The following FBXL17 variants were observed in gnomAD, a reference collection of about 807,000 sequenced individuals.
FBXL17 encodes F-box/LRR-repeat protein 17.
In FBXL17, 22 loss-of-function variants were observed where a neutral mutation model predicts 66.2. The observed-to-expected ratio is 0.33, with a 90% CI of 0.24 to 0.47. The LOEUF (loss-of-function observed/expected upper bound fraction) is 0.47, where lower values mean the gene tolerates loss of function less well. Ranked by LOEUF, FBXL17 falls within the 20% of genes least tolerant of loss-of-function variation. The probability of loss-of-function intolerance (pLI) is 1.00; values close to 1 mark genes in which losing one functional copy is unlikely to be tolerated. For synonymous variants in FBXL17, 474 were observed against 400.5 expected (o/e 1.18, Z -2.19); for missense variants, 878 against 948.2 (o/e 0.93, Z 0.97).
At position 108,112,964 on chromosome 5, in the gene FBXL17, T is replaced by C. The variant is rs187079904; in HGVS notation, c.1745+73153A>G. On this transcript the variant is annotated intron_variant, in intron 6 of 8. Transcript: ENST00000542267. ...AAACTTTTTCTTAATTCACCATTCA[T>C]ATTCTTAATTAATCTTTCTAATATT... Among the ~76,000 whole-genome samples, 15 of 152,344 alleles carry C rather than the reference T, an allele frequency of 9.8e-5. No homozygotes were observed. In the East Asian group the frequency reaches 2.9e-3, roughly 29 times the overall value.
chr5:108,224,758 G>C (rs1416156581), intron 4 of FBXL17, among the ~76,000 whole-genome samples: 1 of 151,030 alleles, frequency 6.6e-6, no homozygotes, highest in Non-Finnish European at 1.5e-5. Context: ...CACCCAACTA[G>C]TTTTTTTGGT....
chr5:108,034,887 C>A (rs1315866076), intron 6 of FBXL17, among the ~76,000 whole-genome samples: 1 of 152,098 alleles, frequency 6.6e-6, no homozygotes, highest in Admixed American at 6.6e-5. Flanking sequence ...TTACTATCAA[C>A]CTCAAGGTTT....
intron 7 of FBXL17, among the ~76,000 whole-genome samples, chr5:107,927,653 A>G (rs1443679599): frequency 6.6e-6 from 1 of 152,124 alleles, no homozygotes; most frequent in East Asian, 1.9e-4. Flanking sequence ...ACAAGATTGT[A>G]TTTGTCACTA....
chr5:108,264,694 G>T (rs1362696964), intron 4 of FBXL17, among the ~76,000 whole-genome samples: 1 of 152,060 alleles, frequency 6.6e-6, no homozygotes, highest in Non-Finnish European at 1.5e-5. Flanking sequence ...TGTTGAAAAA[G>T]ATCAGAGTGC....
At chr5:108,006,148 T>C (rs1032838238) in intron 7 of FBXL17, among the ~76,000 whole-genome samples, 1 of 152,264 alleles carries the variant, frequency 6.6e-6, no homozygotes, top group African/African-American at 2.4e-5. Context: ...TTAATGTTTC[T>C]TTTGGTTTTA....
chr5:107,926,387 G>C (rs1247671939), intron 7 of FBXL17, among the ~76,000 whole-genome samples: 5 of 152,016 alleles, frequency 3.3e-5, no homozygotes, highest in African/African-American at 9.7e-5. Flanking sequence ...TAACATATTT[G>C]ACCTCCCCAC....
rs1399149946 is a variant in FBXL17, at chr5:108,157,153, C to T, written c.1745+28964G>A. Among the ~76,000 whole-genome samples the T allele has an allele frequency of 3.4e-5, 5 of 148,250 alleles. No homozygotes were observed. The East Asian group carries it at 7.8e-4, about 23-fold the overall frequency. On this transcript the variant is annotated intron_variant, in intron 6 of 8. Transcript: ENST00000542267. ...CTAGTATTCGATTTTCCAGTTCATG[C>T]ACTCCTATCTATGGCACTGAACAAA...
intron 6 of FBXL17, among the ~76,000 whole-genome samples, chr5:108,095,212 G>C (rs1345671743): frequency 6.6e-6 from 1 of 151,280 alleles, no homozygotes; most frequent in African/African-American, 2.4e-5. Flanking sequence ...TACTTTTAAA[G>C]GTCCCAAATC....
chr5:108,348,643 G>T, intron 3 of FBXL17, 113 bp from the exon 4 acceptor site: 4 of 1,033,326 alleles, frequency 3.9e-6, no homozygotes, highest in Non-Finnish European at 5.6e-6. Context: ...AAATATTTAT[G>T]TTACTTGTAA....
chr5:107,879,566 T>C lies in FBXL17; in HGVS notation c.1965+1471A>G, dbSNP rs552302874. ...CTAGCTGGCAAAGGTCTCGTATAAG[T>C]TGGGATTCTAAAGTGTTTGGAGAAA... On this transcript the variant is annotated intron_variant, in intron 8 of 8. Coordinates refer to ENST00000542267, the MANE Select transcript of FBXL17 (RefSeq NM_001163315.3). The C allele has an allele frequency of 2.1e-5, 21 of 985,406 alleles. No homozygotes were observed. The East Asian group carries it at 1.2e-3, about 59-fold the overall frequency. 61.0% of individuals were successfully genotyped at this position (985,406 alleles called of 1,614,324 possible).
chr5:108,016,764 T>G (rs1381446777), intron 7 of FBXL17, among the ~76,000 whole-genome samples: 2 of 132,812 alleles, frequency 1.5e-5, no homozygotes, highest in Admixed American at 1.6e-4. Flanking sequence ...TAAATTATCT[T>G]TTTTTCTTTC....
intron 6 of FBXL17, among the ~76,000 whole-genome samples, chr5:108,137,448 C>T (rs1751181115): frequency 6.6e-6 from 1 of 152,058 alleles, no homozygotes; most frequent in Non-Finnish European, 1.5e-5. Flanking sequence ...TTCACAGAAT[C>T]AGATACATCA....
At chr5:107,989,193 T>C (rs1223737823) in intron 7 of FBXL17, among the ~76,000 whole-genome samples, 1 of 152,110 alleles carries the variant, frequency 6.6e-6, no homozygotes, top group Non-Finnish European at 1.5e-5. Context: ...AAATTGCTGT[T>C]AACTATAGTT....
chr5:108,117,042 T>C (rs1750286805), intron 6 of FBXL17, among the ~76,000 whole-genome samples: 1 of 152,224 alleles, frequency 6.6e-6, no homozygotes, highest in South Asian at 2.1e-4. Flanking sequence ...GGAAATCGAC[T>C]TAAGGCTTGT....
intron 4 of FBXL17, chr5:108,298,949 G>C (rs887591844): frequency 6.3e-6 from 6 of 955,990 alleles, no homozygotes. Context: ...TTTACTTTCA[G>C]TTTCATATAT....
At chr5:107,989,477 C>CT (rs1302549178) in intron 7 of FBXL17, among the ~76,000 whole-genome samples, 2 of 152,074 alleles carry the variant, frequency 1.3e-5, no homozygotes, top group Non-Finnish European at 2.9e-5. Context: ...GGATTTCATT[C>CT]TTTTTTATGG....
At chr5:108,134,337 A>G (rs568596059) in intron 6 of FBXL17, among the ~76,000 whole-genome samples, 1 of 152,282 alleles carries the variant, frequency 6.6e-6, no homozygotes, top group East Asian at 1.9e-4. Context: ...TTAAGAAATT[A>G]TTTCATAATG....
chr5:108,313,422 G>T (rs1357103342), intron 4 of FBXL17, among the ~76,000 whole-genome samples: 1 of 152,094 alleles, frequency 6.6e-6, no homozygotes, highest in Non-Finnish European at 1.5e-5. Flanking sequence ...TCTACCTTCT[G>T]CCATGTAAGA....
At chr5:108,276,894 A>C (rs982367082) in intron 4 of FBXL17, among the ~76,000 whole-genome samples, 1 of 152,132 alleles carries the variant, frequency 6.6e-6, no homozygotes, top group Admixed American at 6.5e-5. Context: ...ATAAAACATA[A>C]GCCAATGCAT....
Sources: gnomAD v4.1 joint callset for allele counts (sites outside exome capture counted in the v4.1 genomes callset) on GRCh38, gnomAD v4.1.1 for gene constraint, MANE v1.5 for transcripts, NCBI Gene and HGNC (gene_info 2026-07-23, HGNC 2026-07-21) for gene names.